Variants in ANKDD1A observed in about 807,000 individuals in gnomAD.
ANKDD1A encodes ankyrin repeat and death domain containing 1A, also known as ankyrin repeat and death domain-containing protein 1A.
In ANKDD1A, 59 loss-of-function variants were observed where a neutral mutation model predicts 63.5. That is an observed-to-expected ratio of 0.93 (90% CI 0.75 to 1.15). The LOEUF is 1.15. Among genes scored for constraint, ANKDD1A ranks in the 50% most tolerant of loss-of-function variants. The probability of loss-of-function intolerance (pLI) is 0.00; values close to 1 mark genes in which losing one functional copy is unlikely to be tolerated. For synonymous variants in ANKDD1A, 266 were observed against 263.9 expected (o/e 1.01, Z -0.08); for missense variants, 632 against 656.4 (o/e 0.96, Z 0.41).
At chr15:64,935,544 A>C (rs992619049) in intron 9 of ANKDD1A, among the ~76,000 whole-genome samples, 1 of 151,932 alleles carries the variant, frequency 6.6e-6, no homozygotes, top group Non-Finnish European at 1.5e-5. Flanking sequence ...GCTTTGTGTC[A>C]GGCGCCTGTA....
intron 8 of ANKDD1A, chr15:64,931,858 A>G (rs1595850794): frequency 1.8e-6 from 1 of 566,782 alleles, no homozygotes. Context: ...TGCCCAGGAC[A>G]TAATAGGGCC....
chr15:64,953,132 C>T (rs1566917304), intron 14 of ANKDD1A, among the ~76,000 whole-genome samples: 1 of 116,250 alleles, frequency 8.6e-6, no homozygotes, highest in African/African-American at 3.0e-5. Flanking sequence ...CTTTCTTCTT[C>T]CTTTTTTCTT....
At position 64,947,565 on chromosome 15, in the gene ANKDD1A, T is replaced by C. The variant is rs1274188432; in HGVS notation, c.1323T>C (p.His441=). 1 of 1,614,016 alleles carries C rather than the reference T, an allele frequency of 6.2e-7. No individual in the cohort carries two copies. Among genetic ancestry groups the C allele is most frequent in the African/African-American group, 1.3e-5 (1 of 74,924 alleles). ...ATTCCTGGGAGTTCACGGAGGCACA[T>C]GTCGACGCCATCGAGCAACAGTGGA... ...LAYSWEFTEA[H]VDAIEQQWTG... The change falls in exon 13 of 15, where the codon CAT becomes CAC. Residue 441 remains histidine, a synonymous_variant. Transcript: ENST00000319580.
chr15:64,934,156 C>G lies in ANKDD1A; in HGVS notation c.789C>G (p.His263Gln). ...TCTAGAAAAACCTAAGCTGCCTTCA[C>G]TATGCAGCCCTCAGTGGCTCGGAGG... ...ALTQKNLSCL[H>Q]YAALSGSEDV... Residue 263 changes from histidine (H) to glutamine (Q), a missense_variant, in exon 9 of 15, where the codon CAC becomes CAG. Transcript: ENST00000319580. The G allele has an allele frequency of 6.2e-7, 1 of 1,610,628 alleles. No homozygotes were observed. Among genetic ancestry groups the G allele is most frequent in the Non-Finnish European group, 8.5e-7 (1 of 1,178,046 alleles).
intron 10 of ANKDD1A, 106 bp from the exon 11 acceptor site, chr15:64,943,378 G>A: frequency 1.1e-6 from 1 of 896,152 alleles, no homozygotes; most frequent in Non-Finnish European, 1.8e-6. Flanking sequence ...CTGCATTAAA[G>A]AAAAGACTAG....
intron 3 of ANKDD1A, among the ~76,000 whole-genome samples, chr15:64,920,576 G>A (rs2085000916): frequency 6.6e-6 from 1 of 152,062 alleles, no homozygotes; most frequent in Admixed American, 6.6e-5. Context: ...TTTTGAGAGA[G>A]GCTCTCACTC....
intron 6 of ANKDD1A, among the ~76,000 whole-genome samples, chr15:64,929,634 G>A (rs1035611005): frequency 1.3e-5 from 2 of 152,102 alleles, no homozygotes; most frequent in African/African-American, 2.4e-5. Context: ...CAGTCCTCTG[G>A]CCCTCAAGTC....
chr15:64,921,200 C>T lies in ANKDD1A; in HGVS notation c.268-721C>T, dbSNP rs555570339. On this transcript the variant is annotated intron_variant, in intron 3 of 14. Transcript: ENST00000319580. ...ATTTTGCCCAGTCTGGTTTCAAACT[C>T]CTGGGCTCAAGTGATTCACATCTCA... 2.6e-5 allele frequency among the ~76,000 whole-genome samples: 4 copies of T among 152,332 alleles called. No homozygotes were observed. In the South Asian group the frequency reaches 8.3e-4, roughly 32 times the overall value.
chr15:64,953,715 T>TCC (rs2085356797), intron 14 of ANKDD1A, among the ~76,000 whole-genome samples: 1 of 14,932 alleles, frequency 6.7e-5, no homozygotes, highest in African/African-American at 1.0e-4. Context: ...CTTCTCCTTG[T>TCC]TCTTCTCCTT....
intron 1 of ANKDD1A, among the ~76,000 whole-genome samples, chr15:64,915,428 A>G (rs765446193): frequency 2.0e-5 from 3 of 152,122 alleles, no homozygotes; most frequent in Non-Finnish European, 4.4e-5. Context: ...CGTGGAAAAG[A>G]TGGTTACTGA....
intron 9 of ANKDD1A, among the ~76,000 whole-genome samples, chr15:64,940,015 T>A (rs962065208): frequency 6.6e-6 from 1 of 151,938 alleles, no homozygotes; most frequent in Admixed American, 6.6e-5. Flanking sequence ...AATCAAAAAA[T>A]TTTGCTCTGC....
At chr15:64,934,351 G>A (rs941297230) in intron 9 of ANKDD1A, 117 bp downstream of exon 9, 2 of 837,240 alleles carry the variant, frequency 2.4e-6, no homozygotes, top group South Asian at 3.9e-5. Context: ...TGCGGACCAG[G>A]AGTAGGGGAG....
chr15:64,953,743 TTCC>T (rs2140391550), intron 14 of ANKDD1A, among the ~76,000 whole-genome samples: 1 of 145,744 alleles, frequency 6.9e-6, no homozygotes, highest in African/African-American at 2.5e-5. Context: ...TCCTTCTTCT[TTCC>T]TCTTTTCTTC....
intron 11 of ANKDD1A, among the ~76,000 whole-genome samples, chr15:64,944,259 G>T (rs561689700): frequency 6.6e-6 from 1 of 152,186 alleles, no homozygotes; most frequent in South Asian, 2.1e-4. Context: ...AAGGAGGCCT[G>T]ACCAGAGGTG....
chr15:64,939,382 G>C (rs910309233), intron 9 of ANKDD1A, among the ~76,000 whole-genome samples: 10 of 152,176 alleles, frequency 6.6e-5, no homozygotes, highest in African/African-American at 2.4e-4. Flanking sequence ...CCGGCACTTT[G>C]AGAAGTCGAG....
chr15:64,945,607 C>CT (rs1277861527), intron 12 of ANKDD1A, among the ~76,000 whole-genome samples: 1 of 73,852 alleles, frequency 1.4e-5, no homozygotes, highest in Non-Finnish European at 2.4e-5. Context: ...GCATTTTCAA[C>CT]ATATATATAT....
At chr15:64,913,934 A>T (rs1425495205) in intron 1 of ANKDD1A, 7 of 151,394 alleles carry the variant, frequency 4.6e-5, no homozygotes, top group African/African-American at 1.7e-4. Context: ...ACAGGCATCT[A>T]TTCGTCTGGG....
At chr15:64,944,873 C>G in intron 12 of ANKDD1A, 126 bp downstream of exon 12, 1 of 839,406 alleles carries the variant, frequency 1.2e-6, no homozygotes, top group South Asian at 1.8e-5. Context: ...AGGTGATAAT[C>G]ACCACCTTGT....
chr15:64,953,603 CT>C (rs2085349055), intron 14 of ANKDD1A, among the ~76,000 whole-genome samples: 1 of 25,146 alleles, frequency 4.0e-5, no homozygotes, highest in African/African-American at 1.7e-4. Context: ...TCCTTTTCTT[CT>C]TTCTTCTCTC....
Sources: gnomAD v4.1 joint callset for allele counts (sites outside exome capture counted in the v4.1 genomes callset) on GRCh38, gnomAD v4.1.1 for gene constraint, MANE v1.5 for transcripts, NCBI Gene and HGNC (gene_info 2026-07-23, HGNC 2026-07-21) for gene names.